PRKCH: variants seen among roughly 807,000 people sequenced by gnomAD.
PRKCH encodes the protein protein kinase C eta type.
A neutral mutation model predicts 82.5 loss-of-function variants in PRKCH; 28 were observed. That is an observed-to-expected ratio of 0.34 (90% CI 0.25 to 0.47). The LOEUF is 0.47. Among genes scored for constraint, PRKCH ranks in the 20% least tolerant of loss-of-function variants. The pLI, the probability that PRKCH is intolerant of heterozygous loss-of-function variation, is 1.00. For missense variants in PRKCH, 705 were observed against 881.8 expected, an observed-to-expected ratio of 0.80 and a Z score of 2.54; for synonymous variants, 322 against 327.4, an observed-to-expected ratio of 0.98 and a Z score of 0.18.
intron 2 of PRKCH, among the ~76,000 whole-genome samples, chr14:61,439,180 G>GT (rs559085984): frequency 3.8e-4 from 57 of 151,772 alleles, no homozygotes; most frequent in African/African-American, 1.2e-3. Flanking sequence ...ATTCAATAGG[G>GT]TTTTTTTTTA....
chr14:61,529,270 A>G (rs1286422698), intron 11 of PRKCH, 57 bp downstream of exon 11: 5 of 1,540,036 alleles, frequency 3.2e-6, no homozygotes, highest in Non-Finnish European at 4.4e-6. Flanking sequence ...AACTCTGACC[A>G]GAAATGCCAC....
chr14:61,472,175 G>A (rs1034173641), intron 9 of PRKCH, among the ~76,000 whole-genome samples: 26 of 152,298 alleles, frequency 1.7e-4, no homozygotes, highest in African/African-American at 5.8e-4. Context: ...CCTGCTGCTC[G>A]ATAAGGCATT....
At chr14:61,354,716 A>G (rs970284222) in intron 1 of PRKCH, among the ~76,000 whole-genome samples, 5 of 152,100 alleles carry the variant, frequency 3.3e-5, no homozygotes, top group South Asian at 2.1e-4. Flanking sequence ...CACTTTGCCA[A>G]TGAGGCCTTT....
chr14:61,548,237 T>C (rs1244193010), intron 13 of PRKCH, among the ~76,000 whole-genome samples: 1 of 152,128 alleles, frequency 6.6e-6, no homozygotes, highest in East Asian at 1.9e-4. Context: ...AATTTCCTCA[T>C]GCTCCTTGGG....
chr14:61,478,101 A>G (rs1214087132), intron 9 of PRKCH, among the ~76,000 whole-genome samples: 1 of 152,248 alleles, frequency 6.6e-6, no homozygotes, highest in Non-Finnish European at 1.5e-5. Context: ...CTGAAGCTGC[A>G]GTGGATGCAC....
intron 1 of PRKCH, among the ~76,000 whole-genome samples, chr14:61,190,318 T>G (rs550915885): frequency 1.3e-5 from 2 of 152,302 alleles, no homozygotes; most frequent in East Asian, 3.9e-4. Context: ...TAGTCAGGTC[T>G]TCACAGTCCT....
At chr14:61,415,317 T>C (rs1882496322) in intron 2 of PRKCH, among the ~76,000 whole-genome samples, 1 of 152,214 alleles carries the variant, frequency 6.6e-6, no homozygotes, top group Non-Finnish European at 1.5e-5. Context: ...GGCAAAAAGA[T>C]GAAGTTCCTG....
intron 1 of PRKCH, among the ~76,000 whole-genome samples, chr14:61,205,963 C>T (rs932780190): frequency 2.6e-5 from 4 of 152,194 alleles, no homozygotes; most frequent in Admixed American, 6.5e-5. Context: ...CTCTCTAATA[C>T]ATCATCTTCA....
intron 1 of PRKCH, among the ~76,000 whole-genome samples, chr14:61,222,309 G>T (rs745946727): frequency 2.0e-5 from 3 of 152,302 alleles, no homozygotes; most frequent in South Asian, 2.1e-4. Flanking sequence ...TCTTACTTTA[G>T]TTCTGTTATC....
chr14:61,511,637 A>G (rs564737360), intron 10 of PRKCH, among the ~76,000 whole-genome samples: 2 of 152,376 alleles, frequency 1.3e-5, no homozygotes, highest in East Asian at 1.9e-4. Context: ...ATGTGTGCCA[A>G]TAAGATGGCA....
At position 61,478,969 on chromosome 14, in the gene PRKCH, T is replaced by G. The variant is rs578113447; in HGVS notation, c.1279-6533T>G. ...CTTAAGGCTATGCAAAAAAAAGAAC[T>G]AAAAATAAAGATTCAGAGGTACAAC... On this transcript the variant is annotated intron_variant, in intron 9 of 13. Coordinates refer to ENST00000332981, the MANE Select transcript of PRKCH (RefSeq NM_006255.5). 2.0e-5 allele frequency among the ~76,000 whole-genome samples: 3 copies of G among 152,230 alleles called. No homozygotes were observed. In the East Asian group the frequency reaches 5.8e-4, roughly 29 times the overall value.
chr14:61,533,493 G>T (rs2043068861), intron 12 of PRKCH, among the ~76,000 whole-genome samples: 1 of 152,218 alleles, frequency 6.6e-6, no homozygotes, highest in Non-Finnish European at 1.5e-5. Flanking sequence ...GACTTGAGGA[G>T]ACACACTGAG....
intron 1 of PRKCH, chr14:61,306,180 C>T (rs2140107197): frequency 6.6e-6 from 1 of 152,304 alleles, no homozygotes; most frequent in African/African-American, 2.4e-5. Context: ...AGTAAGGTCT[C>T]TCCATTTAGG....
At chr14:61,386,886 A>G (rs1358115169) in intron 1 of PRKCH, among the ~76,000 whole-genome samples, 2 of 151,886 alleles carry the variant, frequency 1.3e-5, no homozygotes, top group Non-Finnish European at 2.9e-5. Flanking sequence ...AGTGATAGAA[A>G]CCCCTACTCA....
intron 1 of PRKCH, among the ~76,000 whole-genome samples, chr14:61,276,836 A>T (rs946365553): frequency 3.3e-5 from 5 of 152,130 alleles, no homozygotes; most frequent in African/African-American, 1.2e-4. Context: ...ATATATTATG[A>T]AGTGATATTT....
chr14:61,249,653 G>C (rs545925045), intron 1 of PRKCH, among the ~76,000 whole-genome samples: 10 of 151,412 alleles, frequency 6.6e-5, no homozygotes, highest in Admixed American at 5.9e-4. Flanking sequence ...ACAGAGTCTC[G>C]CTCTGTCTCC....
chr14:61,466,518 AG>A (rs916870848), intron 9 of PRKCH, among the ~76,000 whole-genome samples: 2 of 151,836 alleles, frequency 1.3e-5, no homozygotes, highest in Admixed American at 1.3e-4. Context: ...TGAGGGATGG[AG>A]GGGGGCTATC....
chr14:61,299,715 T>G (rs2140103396), intron 1 of PRKCH: 1 of 152,344 alleles, frequency 6.6e-6, no homozygotes, highest in Middle Eastern at 3.4e-3. Flanking sequence ...TTTCAGGTTT[T>G]CAACTCTACT....
rs1326473804 is a variant in PRKCH at position 61,280,599 on chromosome 14, G to A, written c.-19+92931G>A. On this transcript the variant is annotated intron_variant, in intron 1 of 3. Transcript: ENST00000555185. The surrounding 1 kb of genome is among the most constrained non-coding windows in gnomAD (Gnocchi z 5.0). ...CGAGCGGCACCTCGACGTAGGGCCC[G>A]CCGGGCTGGCGCTGGTGCCAAAGCG... 1.3e-6 allele frequency: 2 copies of A among 1,588,822 alleles called. No individual in the cohort carries two copies. The highest frequency in any genetic ancestry group is 1.7e-6 in the Non-Finnish European group (2 of 1,167,982).
Sources: gnomAD v4.1 joint callset for allele counts (sites outside exome capture counted in the v4.1 genomes callset) on GRCh38, gnomAD v4.1.1 for gene constraint, Gnocchi (gnomAD v3.1) non-coding constraint, MANE v1.5 for transcripts, NCBI Gene and HGNC (gene_info 2026-07-23, HGNC 2026-07-21) for gene names.